The following KIRREL3 variants were observed in gnomAD, a reference collection of about 807,000 sequenced individuals.
KIRREL3 encodes the protein kirre like nephrin family adhesion molecule 3.
KIRREL3 carries 36 observed loss-of-function variants against 89.7 expected under a neutral mutation model. That is an observed-to-expected ratio of 0.40 (90% CI 0.31 to 0.53). KIRREL3 has a LOEUF of 0.53. KIRREL3 is among the 20% of genes least tolerant of loss of function. KIRREL3 has a pLI of 0.49. For synonymous variants in KIRREL3, 445 were observed against 441.4 expected, an observed-to-expected ratio of 1.01 and a Z score of -0.10; for missense variants, 864 against 1,056.6, an observed-to-expected ratio of 0.82 and a Z score of 2.53.
Position 126,526,290 on chromosome 11 carries a change from G to A in KIRREL3, c.283+248C>T, listed in dbSNP as rs901772500. ...GGAGTAGGTGCTTGAGGGCAATGTC[G>A]AGTTAGGTTAGGACCCACCGCTAGA... is the stretch of plus-strand genomic sequence containing the variant. On this transcript the variant is annotated intron_variant, in intron 3 of 16. Coordinates refer to ENST00000525144, the MANE Select transcript of KIRREL3 (RefSeq NM_032531.4). The surrounding 1 kb of genome is among the most constrained non-coding windows in gnomAD (Gnocchi z 5.7). Among the ~76,000 whole-genome samples the A allele has an allele frequency of 6.6e-6, 1 of 152,174 alleles. No individual in the cohort carries two copies. Among genetic ancestry groups the A allele is most frequent in the Non-Finnish European group, 1.5e-5 (1 of 68,028 alleles).
At chr11:126,517,870 A>C (rs1958467521) in intron 4 of KIRREL3, among the ~76,000 whole-genome samples, 1 of 152,162 alleles carries the variant, frequency 6.6e-6, no homozygotes, top group Non-Finnish European at 1.5e-5. Context: ...CACTGGTAAA[A>C]CCAAGACCAC....
chr11:126,803,566 A>G (rs1343348469), intron 1 of KIRREL3, among the ~76,000 whole-genome samples: 1 of 152,106 alleles, frequency 6.6e-6, no homozygotes, highest in Non-Finnish European at 1.5e-5. Context: ...TTAATAAAAT[A>G]CACAAATTAT....
intron 1 of KIRREL3, among the ~76,000 whole-genome samples, chr11:126,920,842 C>T (rs11220662): frequency 0.64 from 96,820 of 151,456 alleles, 32,411 homozygotes; most frequent in Middle Eastern, 0.84. Flanking sequence ...GCCTTCTCTG[C>T]CTGATTCCAG....
intron 1 of KIRREL3, among the ~76,000 whole-genome samples, chr11:126,818,799 A>G (rs10893581): frequency 0.86 from 131,100 of 151,836 alleles, 56,941 homozygotes; most frequent in East Asian, 1. Context: ...GTAATTGTTG[A>G]TTTCAGGTCA....
intron 1 of KIRREL3, among the ~76,000 whole-genome samples, chr11:126,629,535 G>T (rs529553359): frequency 6.6e-6 from 1 of 152,272 alleles, no homozygotes; most frequent in South Asian, 2.1e-4. Flanking sequence ...GGGGTGGAGG[G>T]ACCGTTGGCT....
At chr11:126,888,609 T>A (rs570513108) in intron 1 of KIRREL3, among the ~76,000 whole-genome samples, 125 of 152,108 alleles carry the variant, frequency 8.2e-4, no homozygotes, top group Non-Finnish European at 1.4e-3. Context: ...CACGAGGCCC[T>A]CCCATTCCAA....
chr11:126,777,874 G>T (rs1316074143), intron 1 of KIRREL3, among the ~76,000 whole-genome samples: 2 of 152,108 alleles, frequency 1.3e-5, no homozygotes, highest in Admixed American at 1.3e-4. Flanking sequence ...AATCATCGTT[G>T]TATACCTGGT....
At chr11:126,445,414 G>A (rs1955750126) in intron 9 of KIRREL3, among the ~76,000 whole-genome samples, 1 of 152,188 alleles carries the variant, frequency 6.6e-6, no homozygotes, top group African/African-American at 2.4e-5. Context: ...GCCTGCCTGG[G>A]GACTTCCAGG....
chr11:126,716,045 G>T (rs1592009038), intron 1 of KIRREL3, among the ~76,000 whole-genome samples: 1 of 152,190 alleles, frequency 6.6e-6, no homozygotes, highest in East Asian at 1.9e-4. Flanking sequence ...AGGCAGACAG[G>T]GAGGTGAGGG....
At chr11:126,446,324 C>A (rs1451161387) in intron 9 of KIRREL3, among the ~76,000 whole-genome samples, 1 of 148,448 alleles carries the variant, frequency 6.7e-6, no homozygotes, top group Middle Eastern at 3.4e-3. Context: ...TCCTTTCTTC[C>A]TTTCTTTCTT....
chr11:126,507,821 C>T (rs557566558), intron 4 of KIRREL3, among the ~76,000 whole-genome samples: 14 of 152,334 alleles, frequency 9.2e-5, no homozygotes, highest in South Asian at 4.1e-4. Context: ...GGACGTGAGA[C>T]GGGGAAGTCC....
At position 126,504,117 on chromosome 11, in the gene KIRREL3, G is replaced by A. The variant is rs149532714; in HGVS notation, c.433+17198C>T. 1.5e-3 allele frequency among the ~76,000 whole-genome samples: 223 copies of A among 152,230 alleles called. 4 individuals are homozygous for A. In the East Asian group the frequency reaches 0.03, roughly 21 times the overall value. On this transcript the variant is annotated intron_variant, in intron 4 of 16. Coordinates refer to ENST00000525144, the MANE Select transcript of KIRREL3 (RefSeq NM_032531.4). ...TGTGCACATATATTCTGAATATTGC[G>A]TCCAAGCTTTGTAGGGATAAAAGGC...
At position 126,445,142 on chromosome 11, in the gene KIRREL3, C is replaced by G. The variant is rs370218639; in HGVS notation, c.1126-37G>C. ...GGCAGGCTCAGATGCCAAGAGCAGGCGGAGGGGTGCACTCTTGTCTCTGGG... is the reference window on the plus strand; with the variant it reads ...GGCAGGCTCAGATGCCAAGAGCAGGGGGAGGGGTGCACTCTTGTCTCTGGG... On this transcript the variant is annotated intron_variant, in intron 9 of 16. Transcript: ENST00000525144. The G allele has an allele frequency of 1.9e-6, 3 of 1,609,438 alleles. No individual in the cohort carries two copies. The South Asian group carries it at 3.3e-5, about 18-fold the overall frequency.
At chr11:126,982,541 T>G (rs1367535501) in intron 1 of KIRREL3, among the ~76,000 whole-genome samples, 1 of 152,210 alleles carries the variant, frequency 6.6e-6, no homozygotes, top group Non-Finnish European at 1.5e-5. Context: ...TCTAATGTTA[T>G]AATCGTATCT....
At position 126,985,956 on chromosome 11, in the gene KIRREL3, T is replaced by C. The variant is rs994135131; in HGVS notation, c.55+14499A>G. ...CCTAGTGATCTCCTGAAGCCTAAAA[T>C]GAGTATCTCACAAACACGCCAGCTC... On this transcript the variant is annotated intron_variant, in intron 1 of 16. Transcript: ENST00000525144. The surrounding 1 kb of genome is among the most constrained non-coding windows in gnomAD (Gnocchi z 5.3). Among the ~76,000 whole-genome samples the C allele has an allele frequency of 4.6e-5, 7 of 152,192 alleles. No homozygotes were observed. Among genetic ancestry groups the C allele is most frequent in the Non-Finnish European group, 1.0e-4 (7 of 68,030 alleles).
rs1396540665 is a variant in KIRREL3 at position 126,715,856 on chromosome 11, G to C, written c.56-152944C>G. 6.6e-6 allele frequency among the ~76,000 whole-genome samples: 1 copy of C among 152,128 alleles called. No homozygotes were observed. The highest frequency in any genetic ancestry group is 2.1e-4 in the South Asian group (1 of 4,822). On this transcript the variant is annotated intron_variant, in intron 1 of 16. Coordinates refer to ENST00000525144, the MANE Select transcript of KIRREL3 (RefSeq NM_032531.4). This position sits in a 1 kb window ranked among gnomAD's most constrained non-coding sequence, Gnocchi z 4.4. Reference sequence around the variant, plus strand: ...CGTCAAGAGCGCAGAAAAGCCCTTGGTGCTCCTCTGAAGAATGCAAGAGCA... The same window carrying C: ...CGTCAAGAGCGCAGAAAAGCCCTTGCTGCTCCTCTGAAGAATGCAAGAGCA...
chr11:126,973,071 T>G (rs1949472108), intron 1 of KIRREL3, among the ~76,000 whole-genome samples: 1 of 140,982 alleles, frequency 7.1e-6, no homozygotes, highest in Admixed American at 7.4e-5. Flanking sequence ...AGCAGACAAC[T>G]TATTCCACTG....
intron 1 of KIRREL3, among the ~76,000 whole-genome samples, chr11:126,934,277 T>G (rs1055360043): frequency 6.6e-6 from 1 of 152,174 alleles, no homozygotes; most frequent in Non-Finnish European, 1.5e-5. Context: ...AATATGAACT[T>G]AGACCCTGGC....
In KIRREL3 at chr11:126,562,373, C is replaced by T. The variant is rs1333113707; in HGVS notation, c.133+462G>A. Among the ~76,000 whole-genome samples the T allele has an allele frequency of 1.3e-5, 2 of 152,076 alleles. No individual in the cohort carries two copies. Among genetic ancestry groups the T allele is most frequent in the African/African-American group, 2.4e-5 (1 of 41,404 alleles). Reference sequence around the variant, plus strand: ...GGGGGCAGGTTTCCTAGGGTAAGTTCTTTGGGAATAAAGACATTGCCATAT... The same window carrying T: ...GGGGGCAGGTTTCCTAGGGTAAGTTTTTTGGGAATAAAGACATTGCCATAT... On this transcript the variant is annotated intron_variant, in intron 2 of 16. Coordinates refer to ENST00000525144, the MANE Select transcript of KIRREL3 (RefSeq NM_032531.4). The surrounding 1 kb of genome is among the most constrained non-coding windows in gnomAD (Gnocchi z 4.7).
Sources: gnomAD v4.1 joint callset for allele counts (sites outside exome capture counted in the v4.1 genomes callset) on GRCh38, gnomAD v4.1.1 for gene constraint, Gnocchi (gnomAD v3.1) non-coding constraint, MANE v1.5 for transcripts, NCBI Gene and HGNC (gene_info 2026-07-23, HGNC 2026-07-21) for gene names.